Variants in DIMT1 observed in about 807,000 individuals in gnomAD.
DIMT1 encodes the protein DIM1 rRNA methyltransferase and ribosome maturation factor.
A neutral mutation model predicts 43.2 loss-of-function variants in DIMT1; 36 were observed. That is an observed-to-expected ratio of 0.83 (90% CI 0.64 to 1.10). DIMT1 has a LOEUF of 1.10. DIMT1 is among the 50% of genes least tolerant of loss of function. The probability of loss-of-function intolerance (pLI) is 0.00; values close to 1 mark genes in which losing one functional copy is unlikely to be tolerated. For missense variants in DIMT1, 341 were observed against 385.3 expected, an observed-to-expected ratio of 0.88 and a Z score of 0.96; for synonymous variants, 126 against 130.3, an observed-to-expected ratio of 0.97 and a Z score of 0.22.
rs1223393400 is a variant in DIMT1, at chr5:62,388,074, T to G, written c.*936A>C. ...AACATAGTAGCTAATAAAACTAGTT[T>G]ATGACATCTATTGAAATTCTCAGTC... On this transcript the variant is annotated 3_prime_UTR_variant, in exon 12 of 12. Coordinates refer to ENST00000199320, the MANE Select transcript of DIMT1 (RefSeq NM_014473.4). 6.6e-6 allele frequency: 1 copy of G among 152,194 alleles called. No individual in the cohort carries two copies. The highest frequency in any genetic ancestry group is 1.9e-4 in the East Asian group (1 of 5,208). 9.4% of individuals were successfully genotyped at this position (152,194 alleles called of 1,614,324 possible).
intron 6 of DIMT1, among the ~76,000 whole-genome samples, chr5:62,396,596 C>T (rs1361073101): frequency 1.2e-4 from 18 of 152,096 alleles, no homozygotes; most frequent in Non-Finnish European, 1.5e-5. Context: ...AAATTGCCCT[C>T]GTCTGATGAG....
chr5:62,389,687 G>A lies in DIMT1; in HGVS notation c.900-635C>T, dbSNP rs181672999. ...AGGTAACTGAACAAGAAGCTGTTTG[G>A]AATTGGCAGAAGTCAGATGAAAAAC... On this transcript the variant is annotated intron_variant, in intron 11 of 11. Coordinates refer to ENST00000199320, the MANE Select transcript of DIMT1 (RefSeq NM_014473.4). 3.2e-4 allele frequency among the ~76,000 whole-genome samples: 49 copies of A among 152,104 alleles called. No homozygotes were observed. The East Asian group carries it at 4.6e-3, about 14-fold the overall frequency.
At position 62,389,140 on chromosome 5, in the gene DIMT1, C is replaced by T; in HGVS notation, c.900-88G>A. The T allele has an allele frequency of 3.5e-6, 4 of 1,150,108 alleles. No homozygotes were observed. The South Asian group carries it at 5.6e-5, about 16-fold the overall frequency. 71.2% of individuals were successfully genotyped at this position (1,150,108 alleles called of 1,614,324 possible). ...TAGTTCTATACCATTAATACTAAAA[C>T]ATGAATACAGCATGCTTACAGAGCC... is the stretch of plus-strand genomic sequence containing the variant. On this transcript the variant is annotated intron_variant, in intron 11 of 11. Coordinates refer to ENST00000199320, the MANE Select transcript of DIMT1 (RefSeq NM_014473.4).
intron 3 of DIMT1, among the ~76,000 whole-genome samples, chr5:62,399,706 A>C (rs1742630406): frequency 6.6e-6 from 1 of 151,016 alleles, no homozygotes; most frequent in African/African-American, 2.4e-5. Context: ...GGAGACTGAG[A>C]CCAGCCTGGC....
At chr5:62,398,311 G>A in intron 6 of DIMT1, 200 bp downstream of exon 6, 1 of 557,120 alleles carries the variant, frequency 1.8e-6, no homozygotes, top group Non-Finnish European at 3.3e-6. Context: ...AGGCTGTCTG[G>A]TCTCAGAAGC....
intron 6 of DIMT1, among the ~76,000 whole-genome samples, chr5:62,396,597 G>A (rs1409345766): frequency 2.0e-5 from 3 of 152,102 alleles, no homozygotes; most frequent in Admixed American, 1.3e-4. Flanking sequence ...AATTGCCCTC[G>A]TCTGATGAGA....
chr5:62,398,700 C>A lies in DIMT1; in HGVS notation c.342G>T (p.Val114=). The A allele has an allele frequency of 6.2e-7, 1 of 1,614,178 alleles. No individual in the cohort carries two copies. Among genetic ancestry groups the A allele is most frequent in the South Asian group, 1.1e-5 (1 of 91,092 alleles). ...ASKLQVLVGD[V]LKTDLPFFDT... Reference sequence around the variant, plus strand: ...CAAAGAATGGCAAATCTGTTTTCAGCACATCACCCACCAGTACTTGAAGTT... The same window carrying A: ...CAAAGAATGGCAAATCTGTTTTCAGAACATCACCCACCAGTACTTGAAGTT... The change falls in exon 5 of 12, where the codon GTG becomes GTT. Residue 114 remains valine, a synonymous_variant. Transcript: ENST00000199320.
intron 11 of DIMT1, among the ~76,000 whole-genome samples, chr5:62,390,596 AGGAACCTGCACACCACATT>A (rs1317955454): frequency 4.6e-5 from 7 of 152,182 alleles, no homozygotes; most frequent in Admixed American, 2.0e-4. Flanking sequence ...GCAGGAAGGG[AGGAACCTGCACACCACATT>A]GGAACCTGCA....
rs144023096 is a variant in DIMT1 at position 62,395,784 on chromosome 5, G to A, written c.447-1177C>T. ...TTTAGGAGGCCAAGGCGGACAGATC[G>A]CTTGAGCTCAGGAGTTCAAGACCAG... On this transcript the variant is annotated intron_variant, in intron 6 of 11. Coordinates refer to ENST00000199320, the MANE Select transcript of DIMT1 (RefSeq NM_014473.4). 1.4e-4 allele frequency among the ~76,000 whole-genome samples: 21 copies of A among 152,174 alleles called. No individual in the cohort carries two copies. The East Asian group carries it at 1.9e-3, about 14-fold the overall frequency.
intron 10 of DIMT1, chr5:62,391,842 A>G: frequency 1.4e-6 from 2 of 1,462,218 alleles, no homozygotes; most frequent in South Asian, 1.4e-5. Flanking sequence ...AAACTACACA[A>G]TTATTTTAAG....
intron 3 of DIMT1, among the ~76,000 whole-genome samples, chr5:62,399,886 C>A (rs947725020): frequency 2.6e-5 from 4 of 152,078 alleles, no homozygotes; most frequent in Non-Finnish European, 5.9e-5. Context: ...AGCCTGGCAA[C>A]AGAGCGAGAC....
intron 11 of DIMT1, among the ~76,000 whole-genome samples, chr5:62,389,927 A>G (rs1293282019): frequency 1.3e-5 from 2 of 152,254 alleles, no homozygotes; most frequent in Non-Finnish European, 2.9e-5. Context: ...CCATAGAAAC[A>G]GGTCCAGATA....
intron 11 of DIMT1, among the ~76,000 whole-genome samples, chr5:62,389,531 GAT>G (rs546228026): frequency 8.1e-4 from 114 of 141,222 alleles, no homozygotes; most frequent in African/African-American, 2.9e-3. Flanking sequence ...AAATTTATAA[GAT>G]ATGTATTGGT....
At chr5:62,401,341 CA>C (rs1345992876) in intron 3 of DIMT1, among the ~76,000 whole-genome samples, 4 of 151,234 alleles carry the variant, frequency 2.6e-5, no homozygotes, top group African/African-American at 7.3e-5. Flanking sequence ...ACTAAAAATA[CA>C]AAAATTAGCT....
Position 62,403,651 on chromosome 5 carries a change from G to A in DIMT1, c.79+43C>T, listed in dbSNP as rs774241008. 3.6e-5 allele frequency: 56 copies of A among 1,575,252 alleles called. No individual in the cohort carries two copies. In the East Asian group the frequency reaches 7.9e-4, roughly 22 times the overall value. On this transcript the variant is annotated intron_variant, in intron 1 of 11. Coordinates refer to ENST00000199320, the MANE Select transcript of DIMT1 (RefSeq NM_014473.4). ...CACCCCAGGCTAGGTCCTGCCGGAA[G>A]ACCTGACCCGACCGACCCCAGCTTC...
At chr5:62,399,906 AAAACAAAC>A (rs146632636) in intron 3 of DIMT1, among the ~76,000 whole-genome samples, 12 of 152,050 alleles carry the variant, frequency 7.9e-5, no homozygotes, top group Admixed American at 5.9e-4. Context: ...CTCCATCTCA[AAAACAAAC>A]AAACAAACAA....
intron 3 of DIMT1, among the ~76,000 whole-genome samples, chr5:62,401,580 CTTTTTT>C (rs1156327743): frequency 2.9e-5 from 3 of 104,404 alleles, no homozygotes; most frequent in Non-Finnish European, 5.7e-5. Flanking sequence ...TCATATTTTC[CTTTTTT>C]TTTTTTTTTT....
intron 8 of DIMT1, 148 bp downstream of exon 8, chr5:62,393,807 C>T (rs1742384188): frequency 3.5e-6 from 2 of 576,858 alleles, no homozygotes; most frequent in Non-Finnish European, 2.8e-6. Flanking sequence ...ATTATTCCAT[C>T]TACTTCAGCA....
At chr5:62,403,404 AC>A (rs1561295178) in intron 1 of DIMT1, 58 bp from the exon 2 acceptor site, 5 of 1,526,320 alleles carry the variant, frequency 3.3e-6, no homozygotes, top group Non-Finnish European at 4.5e-6. Flanking sequence ...ATTAGGCAGT[AC>A]CAGAGAAGAA....
Sources: gnomAD v4.1 joint callset for allele counts (sites outside exome capture counted in the v4.1 genomes callset) on GRCh38, gnomAD v4.1.1 for gene constraint, MANE v1.5 for transcripts, NCBI Gene and HGNC (gene_info 2026-07-23, HGNC 2026-07-21) for gene names.